Variants in MAP7D3 observed in about 807,000 individuals in gnomAD.
The protein encoded by MAP7D3 is MAP7 domain-containing protein 3.
Under a neutral mutation model 62.2 loss-of-function variants are expected in MAP7D3, and 45 were observed. That is an observed-to-expected ratio of 0.72 (90% CI 0.57 to 0.93). MAP7D3 has a LOEUF of 0.93. MAP7D3 is among the 40% of genes least tolerant of loss of function. The pLI, the probability that MAP7D3 is intolerant of heterozygous loss-of-function variation, is 0.00. For missense variants in MAP7D3, 711 were observed against 683.1 expected (o/e 1.04, Z -0.45); for synonymous variants, 288 against 248.8 (o/e 1.16, Z -1.48).
At chrX:136,225,798 C>A in intron 13 of MAP7D3, 111 bp downstream of exon 13, 1 of 492,599 alleles carries the variant, frequency 2.0e-6, no homozygotes, top group Non-Finnish European at 3.4e-6. Flanking sequence ...GTGGGAAAAC[C>A]ACCAGGAACT....
At chrX:136,254,628 G>A (rs914411755), upstream of MAP7D3, among the ~76,000 whole-genome samples, 4 of 110,768 alleles carry the variant, frequency 3.6e-5, no homozygotes, top group Non-Finnish European at 7.5e-5. Context: ...GGCTTCCAAG[G>A]GCTAAGGGAT....
intron 1 of MAP7D3, 26 bp from the exon 2 acceptor site, chrX:136,246,367 T>C: frequency 9.8e-7 from 1 of 1,024,567 alleles, no homozygotes; most frequent in South Asian, 2.0e-5. Context: ...ATAAAAGGAT[T>C]AGATGTTAAG....
At chrX:136,233,635 T>TAAAAAAAAAAA in intron 7 of MAP7D3, among the ~76,000 whole-genome samples, 1 of 30,607 alleles carries the variant, frequency 3.3e-5, no homozygotes, top group Non-Finnish European at 5.3e-5. Context: ...TAAATTAAAC[T>TAAAAAAAAAAA]AAAAAAAAAA....
At chrX:136,229,418 A>T (rs1476405941) in intron 10 of MAP7D3, among the ~76,000 whole-genome samples, 1 of 111,701 alleles carries the variant, frequency 9.0e-6, no homozygotes, top group Non-Finnish European at 1.9e-5. Flanking sequence ...TGTTACAAAA[A>T]ATTCACTGTG....
chrX:136,228,580 C>T (rs1433341597), intron 11 of MAP7D3, 43 bp downstream of exon 11: 3 of 1,132,509 alleles, frequency 2.6e-6, no homozygotes, highest in Admixed American at 6.4e-5. Flanking sequence ...AATTTGGGCC[C>T]CACTCAAGAT....
At chrX:136,229,836 G>A (rs368187563) in intron 10 of MAP7D3, among the ~76,000 whole-genome samples, 28 of 106,272 alleles carry the variant, frequency 2.6e-4, no homozygotes, top group African/African-American at 9.6e-4. Context: ...TACTAGCTGG[G>A]ACTACAGATG....
chrX:136,224,106 G>GA (rs1313616049), intron 14 of MAP7D3, among the ~76,000 whole-genome samples: 2 of 76,521 alleles, frequency 2.6e-5, no homozygotes, highest in African/African-American at 4.8e-5. Flanking sequence ...ACAACATTAA[G>GA]AAAAGATAAA....
intron 12 of MAP7D3, among the ~76,000 whole-genome samples, chrX:136,226,912 T>C (rs939827709): frequency 9.0e-6 from 1 of 110,618 alleles, no homozygotes; most frequent in Non-Finnish European, 1.9e-5. Flanking sequence ...GCGGATCACC[T>C]GAGGTCAGGA....
chrX:136,227,918 C>T (rs996872146), intron 11 of MAP7D3, among the ~76,000 whole-genome samples: 3 of 111,308 alleles, frequency 2.7e-5, no homozygotes, highest in Non-Finnish European at 5.7e-5. Flanking sequence ...TCATAATATT[C>T]CCTTCTTTTT....
rs1463459512 is a variant in MAP7D3 at position 136,240,458 on chromosome X, T to A, written c.564A>T (p.Lys188Asn). The A allele has an allele frequency of 1.7e-6, 2 of 1,192,466 alleles. No individual in the cohort carries two copies. The highest frequency in any genetic ancestry group is 1.1e-6 in the Non-Finnish European group (1 of 878,228). The change falls in exon 6 of 19, where the codon AAA becomes AAT. Residue 188 changes from lysine to asparagine, a missense_variant. Lys to Asn is a moderately conservative substitution (Grantham distance 94, BLOSUM62 0). Coordinates refer to ENST00000316077, the MANE Select transcript of MAP7D3 (RefSeq NM_024597.4). ...TTAAAGCAGAAGTACCCTGTTCAAG[T>A]TTTTCAGTAGATGCAGATCGTTTAT... ...TANKRSASTE[K>N]LEQGTSALIR... is the part of the protein sequence containing the mutation.
chrX:136,222,145 A>G (rs1402123086), intron 15 of MAP7D3, among the ~76,000 whole-genome samples: 1 of 112,569 alleles, frequency 8.9e-6, no homozygotes, highest in Non-Finnish European at 1.9e-5. Flanking sequence ...ATGGTCTTTA[A>G]AATAATAAGC....
At chrX:136,251,089 G>A (rs892864750) in intron 1 of MAP7D3, among the ~76,000 whole-genome samples, 200 bp downstream of exon 1, 7 of 112,681 alleles carry the variant, frequency 6.2e-5, no homozygotes, top group African/African-American at 2.2e-4. Flanking sequence ...GGCGTCGGCT[G>A]ACAATTTCAA....
chrX:136,226,672 T>C (rs2074201185), intron 12 of MAP7D3, among the ~76,000 whole-genome samples: 1 of 112,048 alleles, frequency 8.9e-6, no homozygotes, highest in Non-Finnish European at 1.9e-5. Flanking sequence ...GAAACCAATG[T>C]AGGATGTGGA....
At chrX:136,237,178 T>C (rs1238899483) in intron 6 of MAP7D3, among the ~76,000 whole-genome samples, 3 of 112,229 alleles carry the variant, frequency 2.7e-5, no homozygotes. Flanking sequence ...TTTTGGGGAT[T>C]TGTAAACTAA....
At chrX:136,235,054 C>T (rs1037847609) in intron 7 of MAP7D3, among the ~76,000 whole-genome samples, 5 of 111,563 alleles carry the variant, frequency 4.5e-5, no homozygotes. Context: ...ACCAAAATAA[C>T]TCTAAGGAAA....
chrX:136,254,366 T>A (rs960574107), upstream of MAP7D3, among the ~76,000 whole-genome samples: 1 of 111,287 alleles, frequency 9.0e-6, no homozygotes, highest in Non-Finnish European at 1.9e-5. Context: ...ATTACAGATG[T>A]GAACCACTGC....
upstream of MAP7D3, among the ~76,000 whole-genome samples, chrX:136,254,768 G>T (rs756729688): frequency 1.8e-5 from 2 of 111,923 alleles, no homozygotes; most frequent in South Asian, 7.5e-4. Flanking sequence ...TCCAGCCCAT[G>T]GTCGCTGAGT....
upstream of MAP7D3, among the ~76,000 whole-genome samples, chrX:136,252,324 A>G (rs1461115578): frequency 9.0e-6 from 1 of 110,751 alleles, no homozygotes; most frequent in Non-Finnish European, 1.9e-5. Flanking sequence ...ATAATAGCAT[A>G]TATTACATAT....
rs557462147 is a variant in MAP7D3, at chrX:136,220,601, C to T, written c.2486+164G>A. 2.7e-4 allele frequency among the ~76,000 whole-genome samples: 30 copies of T among 112,321 alleles called. No homozygotes were observed. In the South Asian group the frequency reaches 7.1e-3, roughly 26 times the overall value. ...TATACATGGGGATGATGATCCTTAC[C>T]TAGCAAGGCTGTTGTGGGGATGAGT... On this transcript the variant is annotated intron_variant, in intron 16 of 18. Transcript: ENST00000316077.
Sources: gnomAD v4.1 joint callset for allele counts (sites outside exome capture counted in the v4.1 genomes callset) on GRCh38, gnomAD v4.1.1 for gene constraint, MANE v1.5 for transcripts, NCBI Gene and HGNC (gene_info 2026-07-23, HGNC 2026-07-21) for gene names.